TECPR1: variants seen among roughly 807,000 people sequenced by gnomAD.
TECPR1 encodes the protein tectonin beta-propeller repeat-containing protein 1.
A neutral mutation model predicts 162.4 loss-of-function variants in TECPR1; 122 were observed. The observed-to-expected ratio is 0.75, with a 90% CI of 0.65 to 0.87. TECPR1 has a LOEUF of 0.87. TECPR1 is among the 40% of genes least tolerant of loss of function. TECPR1 has a pLI of 0.00. For synonymous variants in TECPR1, 642 were observed against 670.6 expected (o/e 0.96, Z 0.66); for missense variants, 1,432 against 1,618.2 (o/e 0.88, Z 1.97).
chr7:98,241,849 C>T lies in TECPR1; in HGVS notation c.658-605G>A, dbSNP rs556043435. Among the ~76,000 whole-genome samples the T allele has an allele frequency of 2.0e-5, 3 of 152,306 alleles. No homozygotes were observed. In the South Asian group the frequency reaches 6.2e-4, roughly 32 times the overall value. On this transcript the variant is annotated intron_variant, in intron 6 of 25. Transcript: ENST00000447648. This position sits in a 1 kb window ranked among gnomAD's most constrained non-coding sequence, Gnocchi z 5.0. ...GCCCTGCAGGACCAGGCCTAGGAGC[C>T]TCCCTTCGGCTAGCAGGTGGCCCAT... is the stretch of plus-strand genomic sequence containing the variant.
chr7:98,223,844 G>T, intron 19 of TECPR1, 126 bp from the exon 20 acceptor site: 3 of 1,027,928 alleles, frequency 2.9e-6, no homozygotes, highest in Non-Finnish European at 4.4e-6. Context: ...CATGGATGGG[G>T]TTCAGAGAAG....
Position 98,244,179 on chromosome 7 carries a change from C to T in TECPR1, c.531+392G>A, listed in dbSNP as rs74787370. Among the ~76,000 whole-genome samples the T allele has an allele frequency of 9.8e-3, 1,494 of 152,330 alleles. 16 individuals carry two copies. Among genetic ancestry groups the T allele is most frequent in the African/African-American group, 0.03 (1,233 of 41,568 alleles). ...GGAGGCCTCCACTCATTGGAGGCCA[C>T]GCCAAGACCTGGGTCCAGTGCTGTG... On this transcript the variant is annotated intron_variant, in intron 5 of 25. Transcript: ENST00000447648.
At chr7:98,235,086 G>A (rs11768456) in intron 10 of TECPR1, among the ~76,000 whole-genome samples, 28,333 of 152,118 alleles carry the variant, frequency 0.19, 2,773 homozygotes, top group Admixed American at 0.22. Context: ...TAATTCTGAT[G>A]AAGTCCAATT....
At chr7:98,242,573 CCCAT>C (rs1373725257) in intron 6 of TECPR1, among the ~76,000 whole-genome samples, 2 of 127,788 alleles carry the variant, frequency 1.6e-5, no homozygotes, top group African/African-American at 5.6e-5. Flanking sequence ...CACCCACCCA[CCCAT>C]CCATCCACCC....
Position 98,223,646 on chromosome 7 carries a change from T to C in TECPR1, c.2747+16A>G. 6.2e-7 allele frequency: 1 copy of C among 1,613,520 alleles called. No homozygotes were observed. The highest frequency in any genetic ancestry group is 8.5e-7 in the Non-Finnish European group (1 of 1,179,664). On this transcript the variant is annotated intron_variant, in intron 20 of 25. Transcript: ENST00000447648. ...AGGAGCCTGACCGTGACAGTCACCC[T>C]GCAGCCCTGCCTCACCTGGCCCAGC... is the stretch of plus-strand genomic sequence containing the variant.
chr7:98,230,820 G>A (rs1299414484), intron 15 of TECPR1, 141 bp downstream of exon 15: 2 of 1,157,918 alleles, frequency 1.7e-6, no homozygotes, highest in African/African-American at 3.1e-5. Flanking sequence ...TTGGGGGCCT[G>A]GGAACCAGTG....
chr7:98,217,432 C>T lies in TECPR1; in HGVS notation c.3456G>A (p.Glu1152=). 6.2e-7 allele frequency: 1 copy of T among 1,608,500 alleles called. No individual in the cohort carries two copies. The highest frequency in any genetic ancestry group is 8.5e-7 in the Non-Finnish European group (1 of 1,177,648). The change falls in exon 26 of 26, where the codon GAG becomes GAA. Residue 1152 remains glutamate, a synonymous_variant. Transcript: ENST00000447648. ...RAPRSSSQEQ[E]PSAPPEAHGP... is the part of the protein sequence containing the mutation. ...CATGGGCCTCTGGTGGGGCACTCGG[C>T]TCCTGCTCCTGGGACGAGCTCCGGG...
In TECPR1 at chr7:98,216,565, T is replaced by G. The variant is rs1320442709; in HGVS notation, c.*825A>C. The G allele has an allele frequency of 1.3e-5, 2 of 148,626 alleles. No homozygotes were observed. The highest frequency in any genetic ancestry group is 2.5e-5 in the African/African-American group (1 of 40,158). The allele number at this position is 148,626 out of a possible 1,614,324, so 9.2% of individuals were successfully genotyped here. On this transcript the variant is annotated 3_prime_UTR_variant, in exon 26 of 26. Transcript: ENST00000447648. ...TGCTGTCTCCTTCCTTCACTTTTTTTTTTTTTTTTTTTTGAGATGGAGTCT... is the reference window on the plus strand; with the variant it reads ...TGCTGTCTCCTTCCTTCACTTTTTTGTTTTTTTTTTTTTGAGATGGAGTCT...
chr7:98,220,116 C>T (rs1313792183), intron 23 of TECPR1, among the ~76,000 whole-genome samples: 1 of 151,652 alleles, frequency 6.6e-6, no homozygotes, highest in African/African-American at 2.4e-5. Flanking sequence ...CGGAGGTGGG[C>T]GGATCACCTG....
At chr7:98,244,823 G>A in intron 4 of TECPR1, 62 bp downstream of exon 4, 1 of 1,599,698 alleles carries the variant, frequency 6.3e-7, no homozygotes, top group African/African-American at 1.3e-5. Context: ...GACAGAAGCA[G>A]GGACAGGCGG....
In TECPR1 at chr7:98,232,825, A is replaced by C. The variant is rs1358823544; in HGVS notation, c.1818+2T>G. On this transcript the variant is annotated splice_donor_variant, in intron 12 of 25. Coordinates refer to ENST00000447648, the MANE Select transcript of TECPR1 (RefSeq NM_015395.3). LOFTEE classifies it high-confidence loss of function. This position sits in a 1 kb window ranked among gnomAD's most constrained non-coding sequence, Gnocchi z 4.6. ...TGCATGCGCAGCCACCGGGGCACCC[A>C]CCTGCTCCACGGCCTGCTCGTAGTG... The C allele has an allele frequency of 1.9e-6, 3 of 1,572,602 alleles. No homozygotes were observed.
At position 98,231,102 on chromosome 7, in the gene TECPR1, A is replaced by G. The variant is rs1191791057; in HGVS notation, c.2141T>C (p.Leu714Pro). 3.7e-6 allele frequency: 6 copies of G among 1,601,992 alleles called. No individual in the cohort carries two copies. Among genetic ancestry groups the G allele is most frequent in the Non-Finnish European group, 3.4e-6 (4 of 1,175,414 alleles). Residue 714 changes from leucine (L) to proline (P), a missense_variant, in exon 15 of 26, where the codon CTG (leucine) becomes CCG (proline). Transcript: ENST00000447648. ...DMNDWLALLSLSCCESRKVQG... is the reference protein window; with the variant it reads ...DMNDWLALLSPSCCESRKVQG... The stretch of plus-strand genomic sequence containing the variant: ...CACCTTCCGGCTCTCGCAGCAAGAC[A>G]GGCTGAGCAGGGCGAGCTGGTGTGG...
At chr7:98,222,881 G>T in intron 21 of TECPR1, 109 bp downstream of exon 21, 1 of 1,411,410 alleles carries the variant, frequency 7.1e-7, no homozygotes, top group Non-Finnish European at 9.8e-7. Context: ...TCGGACCACA[G>T]GCAGTGTCCA....
At chr7:98,235,649 GGGAAA>G (rs1798576935) in intron 10 of TECPR1, among the ~76,000 whole-genome samples, 1 of 150,954 alleles carries the variant, frequency 6.6e-6, no homozygotes, top group Non-Finnish European at 1.5e-5. Flanking sequence ...AGCCAACATG[GGGAAA>G]CCCTGTCTCT....
chr7:98,222,575 C>G (rs1444710603), intron 21 of TECPR1, 54 bp from the exon 22 acceptor site: 2 of 1,537,264 alleles, frequency 1.3e-6, no homozygotes, highest in Non-Finnish European at 1.8e-6. Flanking sequence ...CCCCCAGGGC[C>G]CCACCTCCAG....
chr7:98,238,219 G>T (rs1306105458), intron 9 of TECPR1, among the ~76,000 whole-genome samples: 1 of 152,220 alleles, frequency 6.6e-6, no homozygotes, highest in Non-Finnish European at 1.5e-5. Context: ...GGCTAGGTAG[G>T]CTGTGGCGTC....
In TECPR1 at chr7:98,217,119, G is replaced by A; in HGVS notation, c.*271C>T. 1 of 392,864 alleles carries A rather than the reference G, an allele frequency of 2.5e-6. No homozygotes were observed. Among genetic ancestry groups the A allele is most frequent in the Non-Finnish European group, 4.6e-6 (1 of 219,538 alleles). The allele number at this position is 392,864 out of a possible 1,614,324, so 24.3% of individuals were successfully genotyped here. A position where few individuals can be genotyped will look rare whatever the true frequency, so the allele number is the denominator to read the frequency against. ...GAAGGGAGAGGGGAAGGGAAGGGTGGGAGGGGCCTCTGGGAGGTGCAGCCC... is the reference window on the plus strand; with the variant it reads ...GAAGGGAGAGGGGAAGGGAAGGGTGAGAGGGGCCTCTGGGAGGTGCAGCCC... On this transcript the variant is annotated 3_prime_UTR_variant, in exon 26 of 26. Coordinates refer to ENST00000447648, the MANE Select transcript of TECPR1 (RefSeq NM_015395.3).
intron 21 of TECPR1, chr7:98,222,743 C>A: frequency 1.3e-6 from 1 of 788,560 alleles, no homozygotes; most frequent in East Asian, 2.5e-5. Context: ...GGCGTGTGCA[C>A]CTCACCGGGG....
Position 98,232,075 on chromosome 7 carries a change from A to C in TECPR1, c.1819-116T>G. ...AGGGCTGGGGTAGGGCCCACCCAGC[A>C]CTCCCGGCTGTCAGCCCAGCTCCCC... On this transcript the variant is annotated intron_variant, in intron 12 of 25. Coordinates refer to ENST00000447648, the MANE Select transcript of TECPR1 (RefSeq NM_015395.3). The surrounding 1 kb of genome is among the most constrained non-coding windows in gnomAD (Gnocchi z 4.6). 8.8e-7 allele frequency: 1 copy of C among 1,135,728 alleles called. No homozygotes were observed. Among genetic ancestry groups the C allele is most frequent in the Non-Finnish European group, 1.2e-6 (1 of 806,618 alleles). The allele number at this position is 1,135,728 out of a possible 1,614,324, so 70.4% of individuals were successfully genotyped here.
Sources: allele counts gnomAD v4.1 joint callset (sites outside exome capture counted in the v4.1 genomes callset), GRCh38; gene constraint gnomAD v4.1.1; non-coding constraint Gnocchi (gnomAD v3.1); transcripts MANE v1.5; gene names NCBI Gene and HGNC (gene_info 2026-07-23, HGNC 2026-07-21).